The following SRR variants were observed in gnomAD, a reference collection of about 807,000 sequenced individuals.
SRR encodes the protein D-serine ammonia-lyase.
A neutral mutation model predicts 32.7 loss-of-function variants in SRR; 19 were observed. The ratio of observed to expected loss-of-function variants is 0.58; its 90% confidence interval spans 0.40 to 0.85. The LOEUF (loss-of-function observed/expected upper bound fraction) is 0.85, where lower values mean the gene tolerates loss of function less well. Among genes scored for constraint, SRR ranks in the 40% least tolerant of loss-of-function variants. SRR has a pLI of 0.00. For missense variants in SRR, 373 were observed against 404.7 expected (o/e 0.92, Z 0.67); for synonymous variants, 142 against 140.9 (o/e 1.01, Z -0.06).
Position 2,324,908 on chromosome 17 carries a change from C to A in SRR, c.*1035C>A, listed in dbSNP as rs763982171. 1.9e-5 allele frequency: 28 copies of A among 1,496,600 alleles called. No homozygotes were observed. The South Asian group carries it at 3.5e-4, about 19-fold the overall frequency. The allele number at this position is 1,496,600 out of a possible 1,614,324, so 92.7% of individuals were successfully genotyped here. A position where few individuals can be genotyped will look rare whatever the true frequency, so the allele number is the denominator to read the frequency against. On this transcript the variant is annotated 3_prime_UTR_variant, in exon 8 of 8. Coordinates refer to ENST00000344595, the MANE Select transcript of SRR (RefSeq NM_021947.3). Reference sequence around the variant, plus strand: ...TTTATTGCCCAGTCCATTTAAAGACCCATGCAAGAGCCTGGTTTGTCATCC... The same window carrying A: ...TTTATTGCCCAGTCCATTTAAAGACACATGCAAGAGCCTGGTTTGTCATCC...
At chr17:2,314,709 C>T (rs2075458209) in intron 1 of SRR, among the ~76,000 whole-genome samples, 1 of 150,766 alleles carries the variant, frequency 6.6e-6, no homozygotes, top group African/African-American at 2.4e-5. Context: ...GCCAGGACTG[C>T]ACCAGTGCAC....
At chr17:2,317,616 G>C (rs980871898) in intron 2 of SRR, among the ~76,000 whole-genome samples, 1 of 152,118 alleles carries the variant, frequency 6.6e-6, no homozygotes, top group East Asian at 1.9e-4. Context: ...CCCGGCCCTG[G>C]GGGTAGACGC....
At chr17:2,317,277 T>C (rs1321710487) in intron 2 of SRR, among the ~76,000 whole-genome samples, 2 of 147,112 alleles carry the variant, frequency 1.4e-5, no homozygotes, top group East Asian at 2.0e-4. Context: ...TTTGGGAGGC[T>C]GAGGCAGGCG....
At chr17:2,304,503 A>G (rs916588290) in intron 1 of SRR, among the ~76,000 whole-genome samples, 1 of 150,798 alleles carries the variant, frequency 6.6e-6, no homozygotes, top group African/African-American at 2.4e-5. Context: ...TCGGCCTCCC[A>G]AAGTGCTGGG....
chr17:2,309,885 A>G (rs1442438294), intron 1 of SRR: 1 of 152,216 alleles, frequency 6.6e-6, no homozygotes, highest in Middle Eastern at 3.2e-3. Context: ...TGTGGAAGCC[A>G]TAAAATGTAA....
rs144126165 is a variant in SRR at position 2,304,910 on chromosome 17, A to C, written c.-5+893A>C. Among the ~76,000 whole-genome samples the C allele has an allele frequency of 2.6e-5, 4 of 152,058 alleles. No homozygotes were observed. The East Asian group carries it at 7.7e-4, about 29-fold the overall frequency. On this transcript the variant is annotated intron_variant, in intron 1 of 7. Coordinates refer to ENST00000344595, the MANE Select transcript of SRR (RefSeq NM_021947.3). ...CTGGTACTTGAATCTTTTTTTGGAG[A>C]ACTGTACAGAGGTGAAGCTCCCTTC...
At chr17:2,315,507 CAT>C in intron 1 of SRR, 48 bp from the exon 2 acceptor site, 3 of 1,541,668 alleles carry the variant, frequency 1.9e-6, no homozygotes, top group South Asian at 1.3e-5. Flanking sequence ...CTTCAATAAA[CAT>C]ACTGTCTCAG....
chr17:2,307,887 CTG>C (rs1479481618), intron 1 of SRR, among the ~76,000 whole-genome samples: 5 of 151,794 alleles, frequency 3.3e-5, no homozygotes, highest in African/African-American at 1.2e-4. Flanking sequence ...AACTCGAAGA[CTG>C]TATTTGTGAC....
intron 2 of SRR, among the ~76,000 whole-genome samples, chr17:2,317,327 C>T (rs1452429798): frequency 2.0e-5 from 3 of 150,450 alleles, no homozygotes; most frequent in African/African-American, 7.3e-5. Flanking sequence ...CTGGCTAACA[C>T]GGGGAAACCC....
chr17:2,315,240 C>CAAA (rs397856755), intron 1 of SRR: 6 of 61,310 alleles, frequency 9.8e-5, no homozygotes, highest in Non-Finnish European at 1.4e-4. Context: ...GACTCCGTCT[C>CAAA]AAAAAAAAAA....
At chr17:2,321,481 CA>C in intron 5 of SRR, 56 bp downstream of exon 5, 1 of 1,612,562 alleles carries the variant, frequency 6.2e-7, no homozygotes, top group Non-Finnish European at 8.5e-7. Context: ...GGGCTATATT[CA>C]ATTATTTTAT....
Position 2,323,645 on chromosome 17 carries a change from A to C in SRR, c.805-10A>C, listed in dbSNP as rs751584409. ...CTTTCACTAATTCCTACTCCCTTCC[A>C]TATCAACAGTGTGCAACCCAGCTGG... On this transcript the variant is annotated splice_polypyrimidine_tract_variant and intron_variant, in intron 7 of 7. Transcript: ENST00000344595. The C allele has an allele frequency of 8.1e-6, 13 of 1,613,648 alleles. No individual in the cohort carries two copies. Among genetic ancestry groups the C allele is most frequent in the East Asian group, 2.2e-5 (1 of 44,898 alleles).
intron 1 of SRR, among the ~76,000 whole-genome samples, chr17:2,308,384 C>T (rs139433765): frequency 6.6e-6 from 1 of 152,154 alleles, no homozygotes; most frequent in African/African-American, 2.4e-5. Flanking sequence ...TACTAATATA[C>T]ACACATTTCT....
intron 1 of SRR, chr17:2,306,645 A>C: frequency 2.9e-6 from 1 of 348,050 alleles, no homozygotes; most frequent in Non-Finnish European, 5.4e-6. Flanking sequence ...TGAACCAAGG[A>C]GGTAGAGGCT....
chr17:2,321,326 AAG>A lies in SRR; in HGVS notation c.423_424del (p.Arg141SerfsTer57), dbSNP rs749115959. 6.2e-7 allele frequency: 1 copy of A among 1,613,760 alleles called. No individual in the cohort carries two copies. Among genetic ancestry groups the A allele is most frequent in the Non-Finnish European group, 8.5e-7 (1 of 1,179,976 alleles). Reference protein sequence around the residue: ...SDESRENVAKRVTEETEGIMV... With the variant: ...SDESRENVAKXVTEETEGIMV... ...TTCAGTCCAGAGAAAATGTTGCAAA[AAG>A]AGTTACAGAAGAAACAGAAGGCATC... On this transcript the variant is annotated frameshift_variant, in exon 5 of 8. Transcript: ENST00000344595. LOFTEE classifies it high-confidence loss of function.
chr17:2,316,156 G>GCTGC (rs1222743919), intron 2 of SRR, among the ~76,000 whole-genome samples: 1 of 152,046 alleles, frequency 6.6e-6, no homozygotes, highest in Non-Finnish European at 1.5e-5. Context: ...TTGTGTTATA[G>GCTGC]CTGCCTACAG....
chr17:2,307,288 A>G lies in SRR; in HGVS notation c.-5+3271A>G, dbSNP rs556043774. On this transcript the variant is annotated intron_variant, in intron 1 of 7. Transcript: ENST00000344595. The stretch of plus-strand genomic sequence containing the variant: ...TACTGTGAATGGCCACAACTGTGAA[A>G]TTAGGAAAGGCCTGTCAAAGCAAGA... 3.1e-4 allele frequency: 346 copies of G among 1,126,712 alleles called. 9 individuals are homozygous for G. In the South Asian group the frequency reaches 4.1e-3, roughly 13 times the overall value. 69.8% of individuals were successfully genotyped at this position (1,126,712 alleles called of 1,614,324 possible).
At chr17:2,313,258 T>C (rs1296374366) in intron 1 of SRR, among the ~76,000 whole-genome samples, 6 of 139,650 alleles carry the variant, frequency 4.3e-5, no homozygotes, top group Middle Eastern at 4.7e-3. Flanking sequence ...GGTGAAACCC[T>C]GTCTCCACTA....
At chr17:2,306,045 C>CGG (rs1368694423) in intron 1 of SRR, among the ~76,000 whole-genome samples, 1 of 141,032 alleles carries the variant, frequency 7.1e-6, no homozygotes, top group African/African-American at 2.5e-5. Flanking sequence ...TGGCCGGGCG[C>CGG]GGTGGCTCAC....
Sources: gnomAD v4.1 joint callset for allele counts (sites outside exome capture counted in the v4.1 genomes callset) on GRCh38, gnomAD v4.1.1 for gene constraint, MANE v1.5 for transcripts, NCBI Gene and HGNC (gene_info 2026-07-23, HGNC 2026-07-21) for gene names.